EYS: variants seen among roughly 807,000 people sequenced by gnomAD.
EYS encodes the protein EGF-like photoreceptor maintenance factor, also known as protein eyes shut homolog.
In EYS, 250 loss-of-function variants were observed where a neutral mutation model predicts 282.1. The observed-to-expected ratio is 0.89, with a 90% CI of 0.80 to 0.98. EYS has a LOEUF of 0.98. Ranked by LOEUF, EYS falls within the 50% of genes least tolerant of loss-of-function variation. The probability of loss-of-function intolerance (pLI) is 0.00; values close to 1 mark genes in which losing one functional copy is unlikely to be tolerated. For synonymous variants in EYS, 1,355 were observed against 1,282.9 expected (o/e 1.06, Z -1.20); for missense variants, 4,016 against 3,709.0 (o/e 1.08, Z -2.15).
chr6:64,930,769 A>G (rs1216576604), intron 15 of EYS, among the ~76,000 whole-genome samples: 1 of 152,138 alleles, frequency 6.6e-6, no homozygotes, highest in Non-Finnish European at 1.5e-5. Flanking sequence ...TCAGCTTTGT[A>G]GTGTCCATAA....
At chr6:64,694,804 A>C (rs1354440921) in intron 22 of EYS, among the ~76,000 whole-genome samples, 3 of 152,048 alleles carry the variant, frequency 2.0e-5, no homozygotes, top group Non-Finnish European at 4.4e-5. Context: ...TGAGAACTGC[A>C]GTTTTGACTC....
At position 64,590,678 on chromosome 6, in the gene EYS, C is replaced by T. The variant is rs927928681; in HGVS notation, c.5189G>A (p.Gly1730Glu). 42 of 1,551,220 alleles carry T rather than the reference C, an allele frequency of 2.7e-5. No individual in the cohort carries two copies. In the African/African-American group the frequency reaches 4.5e-4, roughly 17 times the overall value. Residue 1730 changes from glycine to glutamate, a missense_variant, in exon 26 of 43, where the codon GGA (glycine) becomes GAA (glutamate). Transcript: ENST00000503581. ...GTGAAGTTTGAACAGTGTATGAGAT[C>T]CTTTACTTTTTTCCATGTCCAATAA... Reference protein sequence around the residue: ...ESLLDMEKSKGSHTLFKLHPS... With the variant: ...ESLLDMEKSKESHTLFKLHPS...
intron 12 of EYS, among the ~76,000 whole-genome samples, chr6:65,158,358 G>A (rs538976455): frequency 1.3e-5 from 2 of 150,758 alleles, no homozygotes; most frequent in Non-Finnish European, 3.0e-5. Flanking sequence ...GTCAAAATAG[G>A]CCTAATAATT....
At chr6:64,641,008 A>T (rs1768131471) in intron 22 of EYS, among the ~76,000 whole-genome samples, 1 of 152,188 alleles carries the variant, frequency 6.6e-6, no homozygotes. Context: ...ATTCTCCCTA[A>T]CCAGGTAGGG....
chr6:65,598,569 C>A (rs1029635066), intron 2 of EYS, among the ~76,000 whole-genome samples: 2 of 152,060 alleles, frequency 1.3e-5, no homozygotes, highest in African/African-American at 4.8e-5. Context: ...TTCATATATA[C>A]CTTTTTTACT....
chr6:64,895,912 A>T (rs887942634), intron 18 of EYS, among the ~76,000 whole-genome samples: 3 of 152,120 alleles, frequency 2.0e-5, no homozygotes, highest in Non-Finnish European at 4.4e-5. Context: ...ATCCTAGTGT[A>T]AAGAAAAGTT....
chr6:65,605,815 T>C (rs902534645), intron 2 of EYS, among the ~76,000 whole-genome samples: 1 of 151,822 alleles, frequency 6.6e-6, no homozygotes, highest in African/African-American at 2.4e-5. Flanking sequence ...TGTGTGTGTA[T>C]GTGTGTATAT....
chr6:64,219,385 A>T (rs544474748), intron 31 of EYS, among the ~76,000 whole-genome samples: 2 of 152,368 alleles, frequency 1.3e-5, no homozygotes, highest in South Asian at 4.1e-4. Flanking sequence ...TTCAATAGTC[A>T]GTGTTAGAAG....
intron 22 of EYS, among the ~76,000 whole-genome samples, chr6:64,745,695 AC>A (rs1175199637): frequency 6.6e-6 from 1 of 152,140 alleles, no homozygotes; most frequent in Non-Finnish European, 1.5e-5. Flanking sequence ...GAAAAATGGT[AC>A]CCCTATGTCC....
chr6:64,347,016 T>A (rs1771430852), intron 29 of EYS, among the ~76,000 whole-genome samples: 1 of 151,438 alleles, frequency 6.6e-6, no homozygotes, highest in Non-Finnish European at 1.5e-5. Flanking sequence ...AGATTCCATT[T>A]ATAATCTTTA....
chr6:64,836,129 C>A (rs1765374571), intron 19 of EYS, among the ~76,000 whole-genome samples: 1 of 151,336 alleles, frequency 6.6e-6, no homozygotes, highest in South Asian at 2.1e-4. Context: ...TCCATACATA[C>A]ATACATTGGC....
intron 33 of EYS, among the ~76,000 whole-genome samples, chr6:64,047,033 A>G (rs6915363): frequency 0.25 from 37,795 of 152,102 alleles, 4,802 homozygotes; most frequent in Middle Eastern, 0.37. Flanking sequence ...ATAACATGGG[A>G]CACCAAGGAT....
intron 26 of EYS, among the ~76,000 whole-genome samples, chr6:64,481,577 C>A (rs1337510): frequency 6.6e-6 from 1 of 151,062 alleles, no homozygotes; most frequent in African/African-American, 2.4e-5. Context: ...GAGATTAATA[C>A]GAAATTTAGT....
intron 31 of EYS, among the ~76,000 whole-genome samples, chr6:64,169,530 A>G (rs112650887): frequency 0.03 from 4,499 of 151,822 alleles, 222 homozygotes; most frequent in African/African-American, 0.1. Flanking sequence ...TAAATGGGAG[A>G]AGCTTCAGCA....
chr6:64,802,033 C>CT lies in EYS; in HGVS notation c.3443+11344dup, dbSNP rs70999173. 2.7e-5 allele frequency among the ~76,000 whole-genome samples: 3 copies of CT among 112,672 alleles called. 1 individual carries two copies. The highest frequency in any genetic ancestry group is 9.9e-5 in the African/African-American group (3 of 30,454). The allele number at this position is 112,672 out of a possible 152,430, so 73.9% of individuals were successfully genotyped here. ...AACAAATTTCTTTTTCTTTTTTTTT[C>CT]TTTTTTTTTTTTTTTTTTGAGACGG... is the stretch of plus-strand genomic sequence containing the variant. On this transcript the variant is annotated intron_variant, in intron 22 of 42. Coordinates refer to ENST00000503581, the MANE Select transcript of EYS (RefSeq NM_001142800.2).
At chr6:65,101,004 C>T (rs1581910517) in intron 12 of EYS, among the ~76,000 whole-genome samples, 2 of 151,186 alleles carry the variant, frequency 1.3e-5, no homozygotes, top group East Asian at 3.9e-4. Flanking sequence ...AAAATATTCA[C>T]ACTTGAGTAA....
chr6:65,138,740 G>C lies in EYS; in HGVS notation c.2024-81013C>G, dbSNP rs113477062. ...AAATGCCTGCTTTAACCAAACAAAA[G>C]CAATGTTGCAAGACAGAAAACGTTA... is the stretch of plus-strand genomic sequence containing the variant. On this transcript the variant is annotated intron_variant, in intron 12 of 42. Transcript: ENST00000503581. 4.7e-3 allele frequency among the ~76,000 whole-genome samples: 714 copies of C among 152,046 alleles called. 5 individuals carry two copies. Among genetic ancestry groups the C allele is most frequent in the African/African-American group, 0.015 (631 of 41,502 alleles).
chr6:64,194,805 C>A (rs1381163069), intron 31 of EYS, among the ~76,000 whole-genome samples: 2 of 151,856 alleles, frequency 1.3e-5, no homozygotes, highest in Non-Finnish European at 2.9e-5. Context: ...TCTAATTGTT[C>A]TGTGAAATAC....
In EYS at chr6:63,995,607, A is replaced by T. The variant is rs180995082; in HGVS notation, c.6834+3468T>A. Among the ~76,000 whole-genome samples, 661 of 152,198 alleles carry T rather than the reference A, an allele frequency of 4.3e-3. 2 individuals carry two copies. Among genetic ancestry groups the T allele is most frequent in the Middle Eastern group, 0.027 (8 of 294 alleles). On this transcript the variant is annotated intron_variant, in intron 34 of 42. Coordinates refer to ENST00000503581, the MANE Select transcript of EYS (RefSeq NM_001142800.2). ...ATAGGATATAGAAGAGATTATTTGC[A>T]GTTGGATGTTCATTGTAGCATTATT...
Sources: allele counts gnomAD v4.1 joint callset (sites outside exome capture counted in the v4.1 genomes callset), GRCh38; gene constraint gnomAD v4.1.1; transcripts MANE v1.5; gene names NCBI Gene and HGNC (gene_info 2026-07-23, HGNC 2026-07-21).